Variants in ADAM12 observed in about 807,000 individuals in gnomAD.
ADAM12 encodes the protein disintegrin and metalloproteinase domain-containing protein 12.
A neutral mutation model predicts 106.4 loss-of-function variants in ADAM12; 70 were observed. That is an observed-to-expected ratio of 0.66 (90% CI 0.54 to 0.80). ADAM12 has a LOEUF of 0.80. ADAM12 is among the 30% of genes least tolerant of loss of function. ADAM12 has a pLI of 0.00. For missense variants in ADAM12, 1,010 were observed against 1,171.9 expected, an observed-to-expected ratio of 0.86 and a Z score of 2.02; for synonymous variants, 420 against 433.5, an observed-to-expected ratio of 0.97 and a Z score of 0.39.
At chr10:126,338,779 T>C (rs1854810225) in intron 1 of ADAM12, among the ~76,000 whole-genome samples, 1 of 152,186 alleles carries the variant, frequency 6.6e-6, no homozygotes, top group Non-Finnish European at 1.5e-5. Flanking sequence ...TTGCAAGAAA[T>C]GATGTAAGGG....
At chr10:126,124,464 A>G (rs1296585517) in intron 5 of ADAM12, among the ~76,000 whole-genome samples, 1 of 152,154 alleles carries the variant, frequency 6.6e-6, no homozygotes, top group African/African-American at 2.4e-5. Context: ...TCCTTTTACT[A>G]TGCGCGAGAC....
chr10:126,248,677 G>T (rs12241960), intron 3 of ADAM12, among the ~76,000 whole-genome samples: 3 of 31,636 alleles, frequency 9.5e-5, no homozygotes, highest in African/African-American at 6.0e-4. Flanking sequence ...ATGTATGTAT[G>T]TATGTATGTA....
intron 2 of ADAM12, among the ~76,000 whole-genome samples, chr10:126,324,627 A>C (rs1422482939): frequency 3.3e-5 from 5 of 152,188 alleles, no homozygotes; most frequent in Admixed American, 6.5e-5. Flanking sequence ...CAGAAAGAAG[A>C]AGCACATGTC....
chr10:126,349,398 A>G (rs1855271210), intron 1 of ADAM12, among the ~76,000 whole-genome samples: 1 of 152,228 alleles, frequency 6.6e-6, no homozygotes, highest in African/African-American at 2.4e-5. Flanking sequence ...CATGGTTTAT[A>G]TAGGGAGGTA....
intron 3 of ADAM12, among the ~76,000 whole-genome samples, chr10:126,190,177 T>TC (rs1957472357): frequency 6.6e-6 from 1 of 151,682 alleles, no homozygotes. Flanking sequence ...CGTGCCTGCT[T>TC]CTACATCTGC....
chr10:126,076,145 GTT>G (rs1955096465), intron 11 of ADAM12, among the ~76,000 whole-genome samples: 1 of 152,106 alleles, frequency 6.6e-6, no homozygotes, highest in Non-Finnish European at 1.5e-5. Context: ...TGTATTCAAT[GTT>G]TAGTGCCCAC....
At position 126,388,215 on chromosome 10, in the gene ADAM12, G is replaced by C; in HGVS notation, c.-70C>G. The C allele has an allele frequency of 1.7e-6, 2 of 1,194,612 alleles. No individual in the cohort carries two copies. The highest frequency in any genetic ancestry group is 2.1e-6 in the Non-Finnish European group (2 of 963,822). 74.0% of individuals were successfully genotyped at this position (1,194,612 alleles called of 1,614,324 possible). ...CGCTGCACCATCCCACGCGGGCGCC[G>C]AGCCGGGGCCGGGCGTCGCGACCGG... On this transcript the variant is annotated 5_prime_UTR_variant, in exon 1 of 23. Coordinates refer to ENST00000448723, the MANE Select transcript of ADAM12 (RefSeq NM_001288973.2). This position sits in a 1 kb window ranked among gnomAD's most constrained non-coding sequence, Gnocchi z 4.4.
At chr10:126,159,559 T>C (rs1956897364) in intron 3 of ADAM12, among the ~76,000 whole-genome samples, 1 of 152,140 alleles carries the variant, frequency 6.6e-6, no homozygotes, top group South Asian at 2.1e-4. Context: ...CAGACATTTG[T>C]AGAACAAAGA....
chr10:126,183,647 G>T (rs1390423134), intron 3 of ADAM12, among the ~76,000 whole-genome samples: 1 of 152,172 alleles, frequency 6.6e-6, no homozygotes, highest in Non-Finnish European at 1.5e-5. Context: ...TTTTTTGGAT[G>T]TCTCCTCTGT....
intron 2 of ADAM12, among the ~76,000 whole-genome samples, chr10:126,291,117 T>C (rs1340041834): frequency 1.3e-5 from 2 of 152,230 alleles, no homozygotes; most frequent in African/African-American, 2.4e-5. Context: ...TCAAAGTGCA[T>C]TTATATAACT....
At chr10:126,353,697 T>C (rs562376576) in intron 1 of ADAM12, among the ~76,000 whole-genome samples, 7 of 152,322 alleles carry the variant, frequency 4.6e-5, no homozygotes, top group South Asian at 2.1e-4. Flanking sequence ...TATTTGTGAA[T>C]AGACAAAGCT....
intron 5 of ADAM12, among the ~76,000 whole-genome samples, chr10:126,122,527 C>T (rs139248021): frequency 1.5e-4 from 23 of 152,172 alleles, no homozygotes; most frequent in Middle Eastern, 3.4e-3. Flanking sequence ...TTTGGGAGGC[C>T]GAGGTGGGTG....
Position 126,017,275 on chromosome 10 carries a change from C to A in ADAM12, c.*4G>T, listed in dbSNP as rs748341061. The A allele has an allele frequency of 2.1e-5, 34 of 1,591,236 alleles. No individual in the cohort carries two copies. The highest frequency in any genetic ancestry group is 2.7e-5 in the Non-Finnish European group (31 of 1,168,106). On this transcript the variant is annotated 3_prime_UTR_variant, in exon 23 of 23. Transcript: ENST00000448723. ...CTTCACTGTTGAAAAAAGGTGTCGG[C>A]TTCTCACTTAATATAGGCGGTGTGG...
rs538727568 is a variant in ADAM12, at chr10:126,227,283, A to G, written c.260+51632T>C. 2.6e-5 allele frequency among the ~76,000 whole-genome samples: 4 copies of G among 152,192 alleles called. No individual in the cohort carries two copies. In the South Asian group the frequency reaches 8.3e-4, roughly 32 times the overall value. On this transcript the variant is annotated intron_variant, in intron 3 of 22. Coordinates refer to ENST00000448723, the MANE Select transcript of ADAM12 (RefSeq NM_001288973.2). Reference sequence around the variant, plus strand: ...CGCCATCATTACCATCATCATCGTCACCATCATCACTATTATCACCATCAT... The same window carrying G: ...CGCCATCATTACCATCATCATCGTCGCCATCATCACTATTATCACCATCAT...
chr10:126,254,880 T>C (rs1958859690), intron 3 of ADAM12, among the ~76,000 whole-genome samples: 1 of 152,188 alleles, frequency 6.6e-6, no homozygotes, highest in Admixed American at 6.5e-5. Context: ...TAAAACGTCA[T>C]CTCTCTTGAC....
At chr10:126,111,576 T>G (rs970783904) in intron 6 of ADAM12, among the ~76,000 whole-genome samples, 1 of 152,184 alleles carries the variant, frequency 6.6e-6, no homozygotes, top group African/African-American at 2.4e-5. Context: ...TGTTTAGACG[T>G]TTACACTTTT....
chr10:126,256,717 T>A (rs919076578), intron 3 of ADAM12, among the ~76,000 whole-genome samples: 15 of 152,134 alleles, frequency 9.9e-5, no homozygotes, highest in Non-Finnish European at 2.1e-4. Flanking sequence ...TGGAGAAAAT[T>A]TTCCCTGAAT....
chr10:126,380,174 A>G (rs191395048), intron 1 of ADAM12, among the ~76,000 whole-genome samples: 156 of 152,334 alleles, frequency 1.0e-3, no homozygotes, highest in Non-Finnish European at 1.7e-3. Context: ...GAGGCAAGGT[A>G]TATTGGGCAT....
intron 6 of ADAM12, among the ~76,000 whole-genome samples, chr10:126,115,560 C>T (rs1955965802): frequency 6.6e-6 from 1 of 152,194 alleles, no homozygotes; most frequent in African/African-American, 2.4e-5. Flanking sequence ...AGGTTTATAT[C>T]ACAGCCAGTG....
Sources: allele counts gnomAD v4.1 joint callset (sites outside exome capture counted in the v4.1 genomes callset), GRCh38; gene constraint gnomAD v4.1.1; non-coding constraint Gnocchi (gnomAD v3.1); transcripts MANE v1.5; gene names NCBI Gene and HGNC (gene_info 2026-07-23, HGNC 2026-07-21).